The following NPR3 variants were observed in gnomAD, a reference collection of about 807,000 sequenced individuals.
NPR3 encodes atrial natriuretic peptide receptor 3.
Under a neutral mutation model 54.5 loss-of-function variants are expected in NPR3, and 34 were observed. The observed-to-expected ratio is 0.62, with a 90% CI of 0.47 to 0.83. The LOEUF (loss-of-function observed/expected upper bound fraction) is 0.83. NPR3 is among the 40% of genes least tolerant of loss of function. The pLI is 0.00. For missense variants in NPR3, 674 were observed against 720.8 expected, an observed-to-expected ratio of 0.94 and a Z score of 0.74; for synonymous variants, 289 against 297.1, an observed-to-expected ratio of 0.97 and a Z score of 0.28.
chr5:32,727,055 A>T (rs914098362), intron 2 of NPR3, among the ~76,000 whole-genome samples: 5 of 152,216 alleles, frequency 3.3e-5, no homozygotes, highest in African/African-American at 1.2e-4. Flanking sequence ...TCACATATTT[A>T]TACATATATA....
chr5:32,753,952 A>G (rs1382525792), intron 3 of NPR3, among the ~76,000 whole-genome samples: 1 of 152,056 alleles, frequency 6.6e-6, no homozygotes, highest in African/African-American at 2.4e-5. Flanking sequence ...AAGCAATATT[A>G]CTCTGCACTT....
intron 4 of NPR3, among the ~76,000 whole-genome samples, chr5:32,775,951 CAAGAT>C (rs1426973138): frequency 6.6e-6 from 1 of 152,142 alleles, no homozygotes; most frequent in Admixed American, 6.5e-5. Context: ...AAAAATTGTA[CAAGAT>C]AAGACTATGC....
intron 2 of NPR3, among the ~76,000 whole-genome samples, chr5:32,736,769 C>G (rs1739771912): frequency 6.6e-6 from 1 of 152,096 alleles, no homozygotes; most frequent in Admixed American, 6.5e-5. Flanking sequence ...GTGGCCTCCT[C>G]AGTGTCTGGG....
At chr5:32,717,226 C>T (rs1242058635) in intron 1 of NPR3, among the ~76,000 whole-genome samples, 1 of 152,148 alleles carries the variant, frequency 6.6e-6, no homozygotes. Context: ...TGTATATGTG[C>T]CACATTTTCT....
intron 2 of NPR3, among the ~76,000 whole-genome samples, chr5:32,735,557 A>C (rs1194026552): frequency 6.6e-6 from 1 of 150,976 alleles, no homozygotes; most frequent in African/African-American, 2.4e-5. Context: ...TTTTGGTGTG[A>C]CTTCCCACAT....
At chr5:32,769,921 G>T (rs1011273580) in intron 3 of NPR3, among the ~76,000 whole-genome samples, 1 of 152,220 alleles carries the variant, frequency 6.6e-6, no homozygotes, top group Non-Finnish European at 1.5e-5. Flanking sequence ...GTGGCTCGCT[G>T]CCACGGTTGG....
chr5:32,726,106 C>T (rs933803669), intron 2 of NPR3, among the ~76,000 whole-genome samples: 29 of 152,156 alleles, frequency 1.9e-4, no homozygotes, highest in African/African-American at 6.0e-4. Context: ...CTGCTCAGAG[C>T]GGAGCAGTTG....
chr5:32,708,234 A>T (rs932654511), upstream of NPR3, among the ~76,000 whole-genome samples: 1 of 151,842 alleles, frequency 6.6e-6, no homozygotes, highest in African/African-American at 2.4e-5. Context: ...AAAGGTTACC[A>T]CTCTTTTGAA....
At chr5:32,713,149 T>A in intron 1 of NPR3, 5 of 985,064 alleles carry the variant, frequency 5.1e-6, no homozygotes, top group Non-Finnish European at 6.0e-6. Context: ...TTCTGTGGTT[T>A]CCACCAAAAA....
In NPR3 at chr5:32,720,877, G is replaced by T. The variant is rs184176596; in HGVS notation, c.770-3821G>T. 3.4e-4 allele frequency among the ~76,000 whole-genome samples: 51 copies of T among 152,208 alleles called. 1 individual carries two copies. Among genetic ancestry groups the T allele is most frequent in the Admixed American group, 3.1e-3 (48 of 15,282 alleles). ...CTTCTTCATATACTTTCTAAGAGTTGTCCACAAATTTGTTGATGCTGGTTG... is the reference window on the plus strand; with the variant it reads ...CTTCTTCATATACTTTCTAAGAGTTTTCCACAAATTTGTTGATGCTGGTTG... On this transcript the variant is annotated intron_variant, in intron 1 of 7. Coordinates refer to ENST00000265074, the MANE Select transcript of NPR3 (RefSeq NM_001204375.2).
At chr5:32,783,104 G>A in intron 6 of NPR3, 76 bp downstream of exon 6, 2 of 1,385,116 alleles carry the variant, frequency 1.4e-6, no homozygotes, top group Non-Finnish European at 2.0e-6. Context: ...AAACCCAAGT[G>A]TTTCTAGGGC....
intron 2 of NPR3, among the ~76,000 whole-genome samples, chr5:32,730,176 T>G (rs1307781438): frequency 6.6e-6 from 1 of 151,776 alleles, no homozygotes; most frequent in Non-Finnish European, 1.5e-5. Context: ...GCAATCAACT[T>G]AATCCATCAA....
intron 1 of NPR3, among the ~76,000 whole-genome samples, chr5:32,715,303 G>A (rs1028559118): frequency 1.3e-5 from 2 of 152,208 alleles, no homozygotes; most frequent in African/African-American, 2.4e-5. Context: ...ATGAATTAAA[G>A]TAGAGAGAGT....
In NPR3 at chr5:32,728,017, T is replaced by A. The variant is rs540959627; in HGVS notation, c.892+3197T>A. ...ATAATATCAAATGCATTTGACCTGT[T>A]CTCTTAATACATTTTAAAATATTGG... On this transcript the variant is annotated intron_variant, in intron 2 of 7. Transcript: ENST00000265074. 3.3e-5 allele frequency among the ~76,000 whole-genome samples: 5 copies of A among 152,354 alleles called. No individual in the cohort carries two copies. The East Asian group carries it at 9.6e-4, about 29-fold the overall frequency.
At chr5:32,737,189 G>A (rs970290559) in intron 2 of NPR3, among the ~76,000 whole-genome samples, 2 of 152,026 alleles carry the variant, frequency 1.3e-5, no homozygotes, top group African/African-American at 4.8e-5. Flanking sequence ...AGCCTTCCCC[G>A]GGTTAGAGCT....
intron 1 of NPR3, among the ~76,000 whole-genome samples, chr5:32,697,727 A>G (rs1045083318): frequency 1.3e-5 from 2 of 152,070 alleles, no homozygotes; most frequent in Admixed American, 6.5e-5. Context: ...GGTAGATTGT[A>G]TGTGTCTAGG....
At chr5:32,716,277 G>T in intron 1 of NPR3, 1 of 353,106 alleles carries the variant, frequency 2.8e-6, no homozygotes, top group South Asian at 2.3e-5. Flanking sequence ...AGGAGAAAAA[G>T]GTTCCTGTCT....
rs1742920093 is a variant in NPR3, at chr5:32,791,685, C to T, written c.*5340C>T. On this transcript the variant is annotated 3_prime_UTR_variant, in exon 8 of 8. Coordinates refer to ENST00000265074, the MANE Select transcript of NPR3 (RefSeq NM_001204375.2). ...AGAATGCCACGTACTCAGAGTATAA[C>T]AATGTGTTCTCATTAAAAAATACAT... is the stretch of plus-strand genomic sequence containing the variant. 1 of 166,506 alleles carries T rather than the reference C, an allele frequency of 6.0e-6. No homozygotes were observed. The highest frequency in any genetic ancestry group is 1.5e-5 in the Non-Finnish European group (1 of 68,114). The allele number at this position is 166,506 out of a possible 1,614,324, so 10.3% of individuals were successfully genotyped here.
At chr5:32,740,099 A>G (rs2111950760) in intron 3 of NPR3, among the ~76,000 whole-genome samples, 1 of 152,326 alleles carries the variant, frequency 6.6e-6, no homozygotes, top group South Asian at 2.1e-4. Context: ...TCTCTGCCCA[A>G]GTTGGATAAT....
Sources: gnomAD v4.1 joint callset for allele counts (sites outside exome capture counted in the v4.1 genomes callset) on GRCh38, gnomAD v4.1.1 for gene constraint, MANE v1.5 for transcripts, NCBI Gene and HGNC (gene_info 2026-07-23, HGNC 2026-07-21) for gene names.